WSCD2: variants seen among roughly 807,000 people sequenced by gnomAD.
The protein encoded by WSCD2 is sialate:O-sulfotransferase 2.
In WSCD2, 28 loss-of-function variants were observed where a neutral mutation model predicts 55.7. That is an observed-to-expected ratio of 0.50 (90% CI 0.37 to 0.69). The LOEUF is 0.69. Among genes scored for constraint, WSCD2 ranks in the 30% least tolerant of loss-of-function variants. The pLI is 0.00. For missense variants in WSCD2, 616 were observed against 762.1 expected (o/e 0.81, Z 2.26); for synonymous variants, 301 against 301.9 (o/e 1.00, Z 0.03).
intron 1 of WSCD2, among the ~76,000 whole-genome samples, chr12:108,140,535 G>T (rs542417758): frequency 7.9e-5 from 12 of 152,278 alleles, no homozygotes; most frequent in African/African-American, 2.9e-4. Context: ...TTGGGCACTG[G>T]CTGATCATGA....
chr12:108,211,810 T>G (rs1332083523), intron 4 of WSCD2, among the ~76,000 whole-genome samples: 3 of 131,008 alleles, frequency 2.3e-5, no homozygotes, highest in Non-Finnish European at 3.2e-5. Flanking sequence ...CCCGCCACCA[T>G]GCCTGGCTAA....
At chr12:108,236,830 T>G (rs1889312249) in intron 7 of WSCD2, among the ~76,000 whole-genome samples, 1 of 152,166 alleles carries the variant, frequency 6.6e-6, no homozygotes, top group South Asian at 2.1e-4. Context: ...TCTCTCTCAC[T>G]GTTCCCCTTT....
chr12:108,239,880 A>AT (rs373215881), intron 7 of WSCD2, among the ~76,000 whole-genome samples: 3 of 151,492 alleles, frequency 2.0e-5, no homozygotes, highest in Non-Finnish European at 2.9e-5. Context: ...TGCCTGGCTA[A>AT]TTTTTTTTTA....
intron 1 of WSCD2, among the ~76,000 whole-genome samples, chr12:108,148,663 G>A (rs973610800): frequency 6.6e-6 from 1 of 152,270 alleles, no homozygotes. Context: ...ACTCAGTAAT[G>A]AGTGGTAGAA....
intron 8 of WSCD2, among the ~76,000 whole-genome samples, chr12:108,247,572 T>C (rs1890176088): frequency 6.6e-6 from 1 of 152,140 alleles, no homozygotes; most frequent in African/African-American, 2.4e-5. Context: ...TTTTGTTTTT[T>C]AGAGGCAGGG....
At chr12:108,165,167 A>G (rs1032200657) in intron 1 of WSCD2, among the ~76,000 whole-genome samples, 4 of 152,132 alleles carry the variant, frequency 2.6e-5, no homozygotes, top group African/African-American at 9.7e-5. Context: ...AAGGGCTTCA[A>G]ATTTGACCAT....
intron 4 of WSCD2, among the ~76,000 whole-genome samples, chr12:108,214,403 T>C (rs1319403803): frequency 6.6e-6 from 1 of 152,242 alleles, no homozygotes; most frequent in Non-Finnish European, 1.5e-5. Context: ...CACCCTGCTA[T>C]TCTGCCTTGA....
At chr12:108,163,231 T>C (rs1879245608) in intron 1 of WSCD2, among the ~76,000 whole-genome samples, 1 of 152,080 alleles carries the variant, frequency 6.6e-6, no homozygotes. Flanking sequence ...TAGCTGGGCG[T>C]GGTGGCGGGC....
chr12:108,172,982 C>T (rs1202498601), intron 1 of WSCD2, among the ~76,000 whole-genome samples: 2 of 151,952 alleles, frequency 1.3e-5, no homozygotes, highest in Non-Finnish European at 2.9e-5. Flanking sequence ...AGCTTGTTTC[C>T]CCCCACTCCC....
chr12:108,227,199 C>A, intron 6 of WSCD2, 35 bp downstream of exon 6: 1 of 1,592,244 alleles, frequency 6.3e-7, no homozygotes, highest in Non-Finnish European at 8.6e-7. Flanking sequence ...ACCCCAGATG[C>A]ACTCCCAGTG....
intron 1 of WSCD2, among the ~76,000 whole-genome samples, chr12:108,176,461 T>C (rs1271962206): frequency 6.6e-6 from 1 of 152,240 alleles, no homozygotes; most frequent in East Asian, 1.9e-4. Context: ...CATGATGCCT[T>C]TGAGGTTTAT....
At chr12:108,166,767 T>TTCTTTC (rs1879680254) in intron 1 of WSCD2, among the ~76,000 whole-genome samples, 1 of 147,742 alleles carries the variant, frequency 6.8e-6, no homozygotes, top group Non-Finnish European at 1.5e-5. Context: ...TTTCTTTTCT[T>TTCTTTC]TCTTTCTTTC....
intron 1 of WSCD2, among the ~76,000 whole-genome samples, chr12:108,147,501 G>T (rs2136901831): frequency 6.6e-6 from 1 of 152,302 alleles, no homozygotes; most frequent in South Asian, 2.1e-4. Context: ...ATTGGCAGGG[G>T]AAGGGAGGGT....
intron 1 of WSCD2, among the ~76,000 whole-genome samples, chr12:108,176,013 G>C (rs1229633344): frequency 1.3e-5 from 2 of 151,848 alleles, no homozygotes; most frequent in African/African-American, 4.8e-5. Context: ...CTAATTTTTT[G>C]TGTTTTTGGT....
At chr12:108,207,034 G>A (rs1166677556) in intron 3 of WSCD2, among the ~76,000 whole-genome samples, 5 of 152,220 alleles carry the variant, frequency 3.3e-5, no homozygotes, top group African/African-American at 9.6e-5. Flanking sequence ...TTCAGACAGT[G>A]TTTTCCAATC....
chr12:108,212,579 T>C (rs76457462), intron 4 of WSCD2, among the ~76,000 whole-genome samples: 6,414 of 144,834 alleles, frequency 0.044, 473 homozygotes, highest in African/African-American at 0.16. Flanking sequence ...CCGCTGTCTC[T>C]CCACCCCCAT....
intron 7 of WSCD2, among the ~76,000 whole-genome samples, chr12:108,234,208 G>T (rs935562978): frequency 6.6e-6 from 1 of 152,216 alleles, no homozygotes; most frequent in Non-Finnish European, 1.5e-5. Flanking sequence ...GTGTTGGGCC[G>T]CATTCAACGT....
intron 1 of WSCD2, among the ~76,000 whole-genome samples, chr12:108,141,900 C>T (rs1280103237): frequency 1.3e-5 from 2 of 152,122 alleles, no homozygotes; most frequent in East Asian, 3.9e-4. Context: ...GAAGAAAGGC[C>T]TCCAAGCTGT....
intron 5 of WSCD2, among the ~76,000 whole-genome samples, 183 bp downstream of exon 5, chr12:108,225,043 C>G (rs1234597551): frequency 6.7e-6 from 1 of 148,300 alleles, no homozygotes; most frequent in East Asian, 2.0e-4. Context: ...TGCAGCTACA[C>G]AGAATAGATT....
Sources: gnomAD v4.1 joint callset for allele counts (sites outside exome capture counted in the v4.1 genomes callset) on GRCh38, gnomAD v4.1.1 for gene constraint, MANE v1.5 for transcripts, NCBI Gene and HGNC (gene_info 2026-07-23, HGNC 2026-07-21) for gene names.